TRMT9B: variants seen among roughly 807,000 people sequenced by gnomAD.
TRMT9B encodes the protein probable tRNA methyltransferase 9B.
TRMT9B carries 16 observed loss-of-function variants against 11.5 expected under a neutral mutation model. That is an observed-to-expected ratio of 1.39 (90% CI 0.94 to 2.11). The LOEUF (loss-of-function observed/expected upper bound fraction) is 2.11. TRMT9B is among the 30% of genes most tolerant of loss of function. The pLI is 0.00. For missense variants in TRMT9B, 941 were observed against 553.8 expected (o/e 1.70, Z -7.02); for synonymous variants, 274 against 192.4 (o/e 1.42, Z -3.51).
chr8:12,952,316 C>G (rs551359377), intron 1 of TRMT9B: 3 of 350,596 alleles, frequency 8.6e-6, no homozygotes, highest in South Asian at 5.8e-5. Flanking sequence ...GACAGGTCGT[C>G]TAGCGCGTGC....
chr8:12,958,965 G>A (rs547794107), intron 1 of TRMT9B, among the ~76,000 whole-genome samples: 8 of 152,076 alleles, frequency 5.3e-5, no homozygotes, highest in Non-Finnish European at 8.8e-5. Context: ...CTGTGGGAGG[G>A]ATAGCATTAG....
Position 13,021,426 on chromosome 8 carries a change from C to G in TRMT9B, c.747C>G (p.Ser249=), listed in dbSNP as rs376111372. 6.2e-6 allele frequency: 10 copies of G among 1,613,908 alleles called. No individual in the cohort carries two copies. Among genetic ancestry groups the G allele is most frequent in the African/African-American group, 1.3e-5 (1 of 74,930 alleles). ...FYSTLGKSFR[S]WFFSRSLDES... ...GCACATTAGGAAAATCGTTTCGTTC[C>G]TGGTTTTTCTCCAGATCTTTGGATG... Residue 249 remains serine, a synonymous_variant, in exon 5 of 5, where the codon TCC becomes TCG. Coordinates refer to ENST00000524591, the MANE Select transcript of TRMT9B (RefSeq NM_020844.3).
At chr8:13,014,873 CAAG>C (rs1405477133) in intron 4 of TRMT9B, among the ~76,000 whole-genome samples, 1 of 151,822 alleles carries the variant, frequency 6.6e-6, no homozygotes, top group Non-Finnish European at 1.5e-5. Flanking sequence ...CCAGCCTGGC[CAAG>C]AAGGTGAAAC....
At chr8:12,964,114 A>G (rs1802498932) in intron 1 of TRMT9B, among the ~76,000 whole-genome samples, 2 of 152,248 alleles carry the variant, frequency 1.3e-5, no homozygotes, top group Non-Finnish European at 2.9e-5. Flanking sequence ...TCAAGGTAGA[A>G]TATTGGCTTT....
chr8:12,993,385 ACATGTG>A (rs1383362837), intron 2 of TRMT9B, among the ~76,000 whole-genome samples: 1 of 152,230 alleles, frequency 6.6e-6, no homozygotes, highest in African/African-American at 2.4e-5. Context: ...CAGGAATGGC[ACATGTG>A]CTATGTGGTT....
intron 1 of TRMT9B, among the ~76,000 whole-genome samples, chr8:12,976,355 T>C (rs1804446351): frequency 7.5e-6 from 1 of 133,558 alleles, no homozygotes; most frequent in Non-Finnish European, 1.6e-5. Flanking sequence ...AATAGGGCAT[T>C]GTTTATGCTT....
At chr8:12,988,268 C>T (rs573360424) in intron 1 of TRMT9B, among the ~76,000 whole-genome samples, 15 of 152,174 alleles carry the variant, frequency 9.9e-5, no homozygotes, top group East Asian at 5.8e-4. Context: ...CCTGTAGCAC[C>T]GGCGCACACC....
At chr8:13,015,199 A>G (rs2128896896) in intron 4 of TRMT9B, among the ~76,000 whole-genome samples, 1 of 151,750 alleles carries the variant, frequency 6.6e-6, no homozygotes, top group East Asian at 1.9e-4. Flanking sequence ...TTGTTATTGG[A>G]TTTTTTTAAT....
chr8:12,982,710 A>G (rs530017570), intron 1 of TRMT9B, among the ~76,000 whole-genome samples: 236 of 152,182 alleles, frequency 1.6e-3, no homozygotes, highest in African/African-American at 5.5e-3. Context: ...TTTTTTTAGT[A>G]CAGGTTGGAT....
At chr8:13,019,158 C>G (rs961470842) in intron 4 of TRMT9B, among the ~76,000 whole-genome samples, 9 of 151,866 alleles carry the variant, frequency 5.9e-5, no homozygotes, top group Non-Finnish European at 1.2e-4. Flanking sequence ...GGCAAATTCG[C>G]AAATACAGAA....
At chr8:13,001,018 T>A (rs765327372) in intron 2 of TRMT9B, among the ~76,000 whole-genome samples, 33 of 152,286 alleles carry the variant, frequency 2.2e-4, no homozygotes, top group Non-Finnish European at 2.9e-4. Flanking sequence ...AACTAGAATA[T>A]CATCTACTAG....
chr8:12,955,246 A>G (rs147495777), intron 1 of TRMT9B, among the ~76,000 whole-genome samples: 2 of 152,152 alleles, frequency 1.3e-5, no homozygotes, highest in Non-Finnish European at 2.9e-5. Flanking sequence ...AGGCTGTCAC[A>G]CTTGCATCTT....
intron 2 of TRMT9B, among the ~76,000 whole-genome samples, chr8:13,002,818 G>A (rs1809702823): frequency 6.6e-6 from 1 of 152,098 alleles, no homozygotes; most frequent in South Asian, 2.1e-4. Flanking sequence ...TCTTACCCAA[G>A]TACTTCCCAC....
At chr8:12,997,818 C>T (rs563596952) in intron 2 of TRMT9B, among the ~76,000 whole-genome samples, 3 of 152,302 alleles carry the variant, frequency 2.0e-5, no homozygotes, top group African/African-American at 7.2e-5. Flanking sequence ...TTAGTTGTTG[C>T]TGTCAGGCGG....
At chr8:13,006,068 G>A (rs1052830077) in intron 2 of TRMT9B, 134 bp from the exon 3 acceptor site, 12 of 774,664 alleles carry the variant, frequency 1.5e-5, no homozygotes, top group Non-Finnish European at 2.4e-5. Flanking sequence ...GTTCTTTGCA[G>A]CTTATAAGAA....
intron 1 of TRMT9B, among the ~76,000 whole-genome samples, chr8:12,961,529 G>C (rs1357762668): frequency 6.6e-6 from 1 of 151,262 alleles, no homozygotes; most frequent in South Asian, 2.1e-4. Context: ...GTGAAACCCC[G>C]TCTCTACTAA....
Position 13,008,971 on chromosome 8 carries a change from A to G in TRMT9B, c.154+2615A>G, listed in dbSNP as rs528210433. Among the ~76,000 whole-genome samples, 9 of 152,192 alleles carry G rather than the reference A, an allele frequency of 5.9e-5. No homozygotes were observed. The East Asian group carries it at 1.7e-3, about 30-fold the overall frequency. ...TGTCGATCTCCTGACTTTGTGATCCACCGACCTTCGCCTCCCAAAGTGCTG... is the reference window on the plus strand; with the variant it reads ...TGTCGATCTCCTGACTTTGTGATCCGCCGACCTTCGCCTCCCAAAGTGCTG... On this transcript the variant is annotated intron_variant, in intron 3 of 4. Transcript: ENST00000524591.
intron 1 of TRMT9B, among the ~76,000 whole-genome samples, chr8:12,956,070 C>G (rs984325724): frequency 6.6e-6 from 1 of 152,190 alleles, no homozygotes; most frequent in Admixed American, 6.5e-5. Context: ...CTTAGATGCT[C>G]TCCACTTTCC....
intron 2 of TRMT9B, among the ~76,000 whole-genome samples, chr8:12,991,829 G>T (rs1479228771): frequency 1.3e-5 from 2 of 152,220 alleles, no homozygotes; most frequent in South Asian, 2.1e-4. Flanking sequence ...TACTCGGGAG[G>T]CTGGGTTAGG....
Sources: gnomAD v4.1 joint callset for allele counts (sites outside exome capture counted in the v4.1 genomes callset) on GRCh38, gnomAD v4.1.1 for gene constraint, MANE v1.5 for transcripts, NCBI Gene and HGNC (gene_info 2026-07-23, HGNC 2026-07-21) for gene names.